PRMT2: variants seen among roughly 807,000 people sequenced by gnomAD.
PRMT2 encodes the protein protein arginine methyltransferase 2.
In PRMT2, 26 loss-of-function variants were observed where a neutral mutation model predicts 57.6. The observed-to-expected ratio is 0.45, with a 90% confidence interval of 0.33 to 0.63. The LOEUF (loss-of-function observed/expected upper bound fraction) is 0.63. Among genes scored for constraint, PRMT2 ranks in the 20% least tolerant of loss-of-function variants. PRMT2 has a pLI of 0.02. For missense variants in PRMT2, 472 were observed against 564.4 expected, an observed-to-expected ratio of 0.84 and a Z score of 1.66; for synonymous variants, 219 against 220.0, an observed-to-expected ratio of 1.00 and a Z score of 0.04.
intron 10 of PRMT2, among the ~76,000 whole-genome samples, chr21:46,662,140 C>G (rs982990398): frequency 2.0e-5 from 3 of 152,064 alleles, no homozygotes; most frequent in Admixed American, 1.3e-4. Flanking sequence ...TGCCCCCTTC[C>G]GGGTCTCGCC....
At chr21:46,662,002 A>ATGGAGCGCGCAGGAGGGGG (rs2061634042) in intron 10 of PRMT2, 66 bp downstream of exon 10, 2 of 97,518 alleles carry the variant, frequency 2.1e-5, no homozygotes, top group African/African-American at 9.0e-5. Context: ...GGGTGCGGGG[A>ATGGAGCGCGCAGGAGGGGG]TGGGGCGCGC....
chr21:46,638,649 A>G (rs2061217078), intron 3 of PRMT2, among the ~76,000 whole-genome samples: 1 of 152,194 alleles, frequency 6.6e-6, no homozygotes, highest in African/African-American at 2.4e-5. Flanking sequence ...GGTCAGTCTC[A>G]TGGGTTAGAA....
chr21:46,644,296 T>G lies in PRMT2; in HGVS notation c.145-10T>G, dbSNP rs1490390030. Reference sequence around the variant, plus strand: ...GTTTTCTTATTGAATTTTAACTTTTTTTTTTCCAGCTCAGTTTTTTGAGAG... The same window carrying G: ...GTTTTCTTATTGAATTTTAACTTTTGTTTTTCCAGCTCAGTTTTTTGAGAG... On this transcript the variant is annotated splice_polypyrimidine_tract_variant and intron_variant, in intron 4 of 11. Coordinates refer to ENST00000355680, the MANE Select transcript of PRMT2 (RefSeq NM_206962.4). 6.2e-7 allele frequency: 1 copy of G among 1,601,958 alleles called. No individual in the cohort carries two copies.
At chr21:46,662,125 C>G (rs780789457) in intron 10 of PRMT2, among the ~76,000 whole-genome samples, 189 bp downstream of exon 10, 56 of 151,850 alleles carry the variant, frequency 3.7e-4, no homozygotes, top group Non-Finnish European at 7.2e-4. Flanking sequence ...ACACCGCAGC[C>G]TGTGTGCCCC....
chr21:46,661,255 A>G (rs1290831820), intron 9 of PRMT2: 1 of 237,120 alleles, frequency 4.2e-6, no homozygotes, highest in Middle Eastern at 1.3e-3. Flanking sequence ...AATCAAATAA[A>G]TTATATTTCG....
chr21:46,661,953 C>A lies in PRMT2; in HGVS notation c.1097+17C>A. 1 of 288,484 alleles carries A rather than the reference C, an allele frequency of 3.5e-6. No homozygotes were observed. Among genetic ancestry groups the A allele is most frequent in the Non-Finnish European group, 5.1e-6 (1 of 197,110 alleles). The allele number at this position is 288,484 out of a possible 1,614,324, so 17.9% of individuals were successfully genotyped here. A position where few individuals can be genotyped will look rare whatever the true frequency, so the allele number is the denominator to read the frequency against. ...CTTCCACCCGTGAGTGTGCGGGGCG[C>A]GGGCACGGGGTGCGGGGTGGGGGGC... On this transcript the variant is annotated intron_variant, in intron 10 of 11. Transcript: ENST00000355680.
At chr21:46,659,840 A>C (rs1163940753) in intron 8 of PRMT2, 2 of 985,306 alleles carry the variant, frequency 2.0e-6, no homozygotes, top group Non-Finnish European at 2.4e-6. Context: ...TGTGTCTGTT[A>C]AAAAAGAAAC....
intron 3 of PRMT2, among the ~76,000 whole-genome samples, chr21:46,639,162 TTTTC>T (rs2061225184): frequency 6.6e-6 from 1 of 152,200 alleles, no homozygotes; most frequent in Non-Finnish European, 1.5e-5. Context: ...AAATTTTACT[TTTTC>T]TTATTTAATT....
chr21:46,658,543 G>T, intron 7 of PRMT2: 1 of 856,176 alleles, frequency 1.2e-6, no homozygotes, highest in Non-Finnish European at 1.7e-6. Context: ...CTTAAACCCA[G>T]GCTGTGAGAT....
chr21:46,650,297 T>C (rs1438053884), intron 7 of PRMT2, among the ~76,000 whole-genome samples: 2 of 151,938 alleles, frequency 1.3e-5, no homozygotes, highest in Non-Finnish European at 2.9e-5. Flanking sequence ...GCCCGCGCTG[T>C]CTTCCTGGGC....
In PRMT2 at chr21:46,648,957, T is replaced by C. The variant is rs1041123740; in HGVS notation, c.489+338T>C. 2.0e-5 allele frequency among the ~76,000 whole-genome samples: 3 copies of C among 152,200 alleles called. No homozygotes were observed. Among genetic ancestry groups the C allele is most frequent in the Non-Finnish European group, 4.4e-5 (3 of 68,030 alleles). On this transcript the variant is annotated intron_variant, in intron 6 of 11. Coordinates refer to ENST00000355680, the MANE Select transcript of PRMT2 (RefSeq NM_206962.4). This position sits in a 1 kb window ranked among gnomAD's most constrained non-coding sequence, Gnocchi z 4.8. ...AGAGAAACACGTGCACCCACATGTCTGTGCTGGGCCTTGGGTGTGGTTGGT... is the reference window on the plus strand; with the variant it reads ...AGAGAAACACGTGCACCCACATGTCCGTGCTGGGCCTTGGGTGTGGTTGGT...
chr21:46,639,414 A>G (rs1254342520), intron 3 of PRMT2, among the ~76,000 whole-genome samples: 3 of 152,026 alleles, frequency 2.0e-5, no homozygotes, highest in Non-Finnish European at 4.4e-5. Flanking sequence ...TTTTTTTGCC[A>G]TCTTCTATCA....
At chr21:46,652,581 T>TGATGCTCCC (rs1199867356) in intron 7 of PRMT2, 1 of 985,326 alleles carries the variant, frequency 1.0e-6, no homozygotes. Context: ...CTCTAATATC[T>TGATGCTCCC]GATGCTCCCG....
At chr21:46,650,038 G>A in intron 7 of PRMT2, 5 of 1,310,604 alleles carry the variant, frequency 3.8e-6, no homozygotes, top group Non-Finnish European at 5.1e-6. Flanking sequence ...AACAGGTAAG[G>A]CTGTTTCTTT....
intron 5 of PRMT2, among the ~76,000 whole-genome samples, chr21:46,646,769 G>T (rs908654117): frequency 1.3e-5 from 2 of 152,160 alleles, no homozygotes; most frequent in Non-Finnish European, 2.9e-5. Flanking sequence ...GATCTTGCCA[G>T]TTCGCCCTCC....
chr21:46,643,211 T>G, intron 3 of PRMT2: 2 of 184,870 alleles, frequency 1.1e-5, no homozygotes, highest in Non-Finnish European at 1.1e-5. Flanking sequence ...TTTCTCTTCA[T>G]GGGGTTGATG....
chr21:46,650,039 C>T (rs2061426119), intron 7 of PRMT2: 2 of 1,307,776 alleles, frequency 1.5e-6, no homozygotes, highest in African/African-American at 1.5e-5. Context: ...ACAGGTAAGG[C>T]TGTTTCTTTA....
chr21:46,645,028 C>A (rs975732608), intron 5 of PRMT2, among the ~76,000 whole-genome samples: 2 of 151,816 alleles, frequency 1.3e-5, no homozygotes, highest in East Asian at 3.9e-4. Flanking sequence ...TGGCTTGAGA[C>A]CAAGTGTTCA....
At chr21:46,646,513 A>G (rs912055073) in intron 5 of PRMT2, among the ~76,000 whole-genome samples, 9 of 152,196 alleles carry the variant, frequency 5.9e-5, no homozygotes, top group African/African-American at 2.2e-4. Context: ...CTTTTCACGT[A>G]GCTGTAGTAT....
Sources: gnomAD v4.1 joint callset for allele counts (sites outside exome capture counted in the v4.1 genomes callset) on GRCh38, gnomAD v4.1.1 for gene constraint, Gnocchi (gnomAD v3.1) non-coding constraint, MANE v1.5 for transcripts, NCBI Gene and HGNC (gene_info 2026-07-23, HGNC 2026-07-21) for gene names.